The following LNX2 variants were observed in gnomAD, a reference collection of about 807,000 sequenced individuals.
LNX2 encodes ligand of Numb protein X 2.
In LNX2, 35 loss-of-function variants were observed where a neutral mutation model predicts 66.2. The observed-to-expected ratio is 0.53, with a 90% CI of 0.40 to 0.70. LNX2 has a LOEUF of 0.70. Ranked by LOEUF, LNX2 falls within the 30% of genes least tolerant of loss-of-function variation. LNX2 has a pLI of 0.00. For synonymous variants in LNX2, 337 were observed against 315.6 expected (o/e 1.07, Z -0.72); for missense variants, 791 against 850.8 (o/e 0.93, Z 0.87).
At chr13:27,607,473 A>G (rs969948614) in intron 1 of LNX2, among the ~76,000 whole-genome samples, 1 of 152,244 alleles carries the variant, frequency 6.6e-6, no homozygotes, top group Admixed American at 6.5e-5. Flanking sequence ...GACAGTTTTT[A>G]AACAAGGCGT....
intron 1 of LNX2, among the ~76,000 whole-genome samples, chr13:27,613,840 G>C (rs923116602): frequency 6.6e-6 from 1 of 152,156 alleles, no homozygotes; most frequent in African/African-American, 2.4e-5. Flanking sequence ...TTAACTACTC[G>C]AATGAATGTC....
At chr13:27,566,598 T>C (rs975772050) in intron 4 of LNX2, among the ~76,000 whole-genome samples, 1 of 152,112 alleles carries the variant, frequency 6.6e-6, no homozygotes, top group Non-Finnish European at 1.5e-5. Context: ...CTGGCAGTGA[T>C]TGTTTCAGAT....
In LNX2 at chr13:27,569,011, G is replaced by T. The variant is rs775385582; in HGVS notation, c.655+18C>A. 1.2e-6 allele frequency: 2 copies of T among 1,602,204 alleles called. No individual in the cohort carries two copies. Among genetic ancestry groups the T allele is most frequent in the Non-Finnish European group, 1.7e-6 (2 of 1,175,814 alleles). ...AGGAAATAGAGATGAAATACACAAG[G>T]AGTTGCACCACACATACTGTCAGCT... On this transcript the variant is annotated intron_variant, in intron 3 of 9. Transcript: ENST00000316334.
At chr13:27,556,129 TAA>T in intron 7 of LNX2, 105 bp downstream of exon 7, 1 of 1,132,640 alleles carries the variant, frequency 8.8e-7, no homozygotes. Flanking sequence ...TTAAAGAACT[TAA>T]AAAAGTCATG....
intron 1 of LNX2, among the ~76,000 whole-genome samples, chr13:27,607,187 G>A (rs532243767): frequency 9.8e-4 from 149 of 152,258 alleles, no homozygotes; most frequent in African/African-American, 3.5e-3. Flanking sequence ...ACATTTCTAA[G>A]AATCAATTTA....
intron 1 of LNX2, among the ~76,000 whole-genome samples, chr13:27,618,264 C>A (rs552576012): frequency 2.0e-5 from 3 of 152,172 alleles, no homozygotes; most frequent in Non-Finnish European, 4.4e-5. Context: ...AGCACACTAG[C>A]ATTTACTAAG....
At chr13:27,562,229 T>C (rs1331356785) in intron 5 of LNX2, among the ~76,000 whole-genome samples, 184 bp downstream of exon 5, 2 of 152,246 alleles carry the variant, frequency 1.3e-5, no homozygotes, top group African/African-American at 4.8e-5. Flanking sequence ...ATATAGTTTT[T>C]AGAAAAGACT....
intron 1 of LNX2, among the ~76,000 whole-genome samples, chr13:27,599,847 C>T (rs1955637939): frequency 6.6e-6 from 1 of 152,162 alleles, no homozygotes; most frequent in African/African-American, 2.4e-5. Flanking sequence ...AATATTTAAA[C>T]TTGTGGGTCT....
At chr13:27,600,455 A>G (rs1955644633) in intron 1 of LNX2, among the ~76,000 whole-genome samples, 2 of 152,200 alleles carry the variant, frequency 1.3e-5, no homozygotes, top group Admixed American at 1.3e-4. Context: ...GCCACTATAC[A>G]TGCAAAATAT....
intron 1 of LNX2, among the ~76,000 whole-genome samples, chr13:27,587,420 C>T (rs1444751112): frequency 3.3e-5 from 5 of 152,058 alleles, no homozygotes; most frequent in African/African-American, 1.2e-4. Context: ...TTTGTATTCC[C>T]ACTTCTTAAG....
chr13:27,595,123 T>C (rs1475632641), intron 1 of LNX2, among the ~76,000 whole-genome samples: 1 of 152,206 alleles, frequency 6.6e-6, no homozygotes, highest in Non-Finnish European at 1.5e-5. Context: ...CACCAAATTA[T>C]TTACAACTTC....
intron 1 of LNX2, among the ~76,000 whole-genome samples, chr13:27,586,035 T>C (rs1399994794): frequency 1.3e-5 from 2 of 148,356 alleles, no homozygotes. Context: ...TACATATATA[T>C]ACTTATATAT....
At chr13:27,609,230 G>A (rs1345582470) in intron 1 of LNX2, among the ~76,000 whole-genome samples, 3 of 150,022 alleles carry the variant, frequency 2.0e-5, no homozygotes, top group Non-Finnish European at 4.4e-5. Context: ...TTGGCTCACT[G>A]CAATCTCCGC....
intron 8 of LNX2, 102 bp downstream of exon 8, chr13:27,553,106 C>CTTTTTTTTT: frequency 1.2e-6 from 1 of 853,054 alleles, no homozygotes; most frequent in Non-Finnish European, 1.8e-6. Context: ...TGAATTAAAG[C>CTTTTTTTTT]TTTTTTTTTT....
rs1444096272 is a variant in LNX2 at position 27,620,378 on chromosome 13, G to C, written c.-104C>G. 6.5e-6 allele frequency: 1 copy of C among 153,184 alleles called. No individual in the cohort carries two copies. Among genetic ancestry groups the C allele is most frequent in the Admixed American group, 6.6e-5 (1 of 15,266 alleles). The allele number at this position is 153,184 out of a possible 1,614,324, so 9.5% of individuals were successfully genotyped here. Reference sequence around the variant, plus strand: ...CGGGCAGGGCAAAGTTACTCACTGGGAAAGCGCGGCTGCCCGGGCCGCGCA... The same window carrying C: ...CGGGCAGGGCAAAGTTACTCACTGGCAAAGCGCGGCTGCCCGGGCCGCGCA... On this transcript the variant is annotated 5_prime_UTR_variant, in exon 1 of 10. Coordinates refer to ENST00000316334, the MANE Select transcript of LNX2 (RefSeq NM_153371.4).
intron 2 of LNX2, among the ~76,000 whole-genome samples, chr13:27,578,528 T>G (rs1217847585): frequency 6.6e-6 from 1 of 152,190 alleles, no homozygotes; most frequent in Non-Finnish European, 1.5e-5. Flanking sequence ...TATGTCCCCT[T>G]TTCCTTGGAT....
chr13:27,553,149 T>C, intron 8 of LNX2, 59 bp downstream of exon 8: 1 of 1,403,892 alleles, frequency 7.1e-7, no homozygotes. Flanking sequence ...TGCTACACAC[T>C]GATAAGGGCT....
chr13:27,583,225 TGTGTGTGTGTGTG>T (rs1955431611), intron 1 of LNX2, among the ~76,000 whole-genome samples: 1 of 20,742 alleles, frequency 4.8e-5, no homozygotes, highest in Non-Finnish European at 9.8e-5. Context: ...TGTGTGTGTG[TGTGTGTGTGTGTG>T]TGTGTGTGTG....
At chr13:27,587,160 C>A (rs1410382290) in intron 1 of LNX2, among the ~76,000 whole-genome samples, 1 of 152,136 alleles carries the variant, frequency 6.6e-6, no homozygotes, top group Non-Finnish European at 1.5e-5. Flanking sequence ...AGACAGGAAG[C>A]ATCTGTGGTT....
Sources: allele counts gnomAD v4.1 joint callset (sites outside exome capture counted in the v4.1 genomes callset), GRCh38; gene constraint gnomAD v4.1.1; transcripts MANE v1.5; gene names NCBI Gene and HGNC (gene_info 2026-07-23, HGNC 2026-07-21).